HDAC9: variants seen among roughly 807,000 people sequenced by gnomAD.
HDAC9 encodes MEF-2 interacting transcription repressor (MITR) protein.
A neutral mutation model predicts 139.4 loss-of-function variants in HDAC9; 41 were observed. The observed-to-expected ratio is 0.29, with a 90% CI of 0.23 to 0.38. The LOEUF is 0.38. Among genes scored for constraint, HDAC9 ranks in the 10% least tolerant of loss-of-function variants. HDAC9 has a pLI of 1.00. For missense variants in HDAC9, 1,147 were observed against 1,297.0 expected (o/e 0.88, Z 1.78); for synonymous variants, 517 against 476.2 (o/e 1.09, Z -1.12).
At chr7:18,190,662 T>A (rs1295370113) in intron 2 of HDAC9, among the ~76,000 whole-genome samples, 1 of 152,230 alleles carries the variant, frequency 6.6e-6, no homozygotes, top group Non-Finnish European at 1.5e-5. Context: ...ACGCTATCAT[T>A]GAAATAGCTA....
chr7:18,250,526 T>A (rs1438105692), intron 2 of HDAC9, among the ~76,000 whole-genome samples: 1 of 152,216 alleles, frequency 6.6e-6, no homozygotes, highest in Non-Finnish European at 1.5e-5. Flanking sequence ...TGGTAGTCTA[T>A]CACCAACATG....
chr7:18,701,152 T>TA (rs5882668), intron 12 of HDAC9, among the ~76,000 whole-genome samples: 101 of 146,046 alleles, frequency 6.9e-4, no homozygotes, highest in Admixed American at 1.1e-3. Flanking sequence ...AACTTGTTCA[T>TA]AAAAAAAAAA....
intron 16 of HDAC9, among the ~76,000 whole-genome samples, chr7:18,792,372 G>A (rs1474556732): frequency 6.6e-6 from 1 of 150,854 alleles, no homozygotes; most frequent in Non-Finnish European, 1.5e-5. Context: ...ATTTCCTGGT[G>A]CTTCAAATAA....
chr7:18,848,533 G>A lies in HDAC9; in HGVS notation c.2684+12536G>A, dbSNP rs146533799. 3.9e-5 allele frequency among the ~76,000 whole-genome samples: 6 copies of A among 151,902 alleles called. No homozygotes were observed. The East Asian group carries it at 9.8e-4, about 25-fold the overall frequency. On this transcript the variant is annotated intron_variant, in intron 21 of 25. Transcript: ENST00000686413. Reference sequence around the variant, plus strand: ...AGGCAAGGCTATGGGTGCACGCAGCGAGATAGGGCTGGTTGTAATCCGGTG... The same window carrying A: ...AGGCAAGGCTATGGGTGCACGCAGCAAGATAGGGCTGGTTGTAATCCGGTG...
At chr7:18,145,052 A>T (rs1786202188) in intron 1 of HDAC9, among the ~76,000 whole-genome samples, 1 of 152,194 alleles carries the variant, frequency 6.6e-6, no homozygotes, top group Non-Finnish European at 1.5e-5. Context: ...TGTTTCCACA[A>T]TTTATGGACA....
intron 2 of HDAC9, among the ~76,000 whole-genome samples, chr7:18,164,179 G>A (rs771564450): frequency 7.9e-5 from 12 of 152,140 alleles, no homozygotes; most frequent in Non-Finnish European, 7.3e-5. Flanking sequence ...CTGAAGTTGA[G>A]GAAAGTGATA....
intron 2 of HDAC9, among the ~76,000 whole-genome samples, chr7:18,219,912 A>T (rs1308750100): frequency 2.0e-5 from 3 of 152,316 alleles, no homozygotes; most frequent in Admixed American, 2.0e-4. Context: ...CTTATTTTAT[A>T]GTCAACTCTG....
Position 18,793,351 on chromosome 7 carries a change from A to G in HDAC9, c.2221A>G (p.Ser741Gly). The change falls in exon 17 of 26, where the codon AGT becomes GGT. Residue 741 changes from serine to glycine, a missense_variant. Physicochemically the swap from Ser to Gly is moderately conservative, Grantham distance 56. Transcript: ENST00000686413. ...SLPCGGLGVD[S>G]DTIWNELHSS... ...CTGCTGACTGTTTGCTCAGGTGGAC[A>G]GTGACACCATTTGGAATGAGCTACA... 1.3e-6 allele frequency: 2 copies of G among 1,571,544 alleles called. No homozygotes were observed. Among genetic ancestry groups the G allele is most frequent in the South Asian group, 1.2e-5 (1 of 85,178 alleles).
intron 17 of HDAC9, among the ~76,000 whole-genome samples, chr7:18,826,143 C>G (rs1585109243): frequency 6.6e-6 from 1 of 152,100 alleles, no homozygotes; most frequent in African/African-American, 2.4e-5. Flanking sequence ...CATTAGGACT[C>G]AGAGTCAGGC....
At chr7:18,588,234 G>A (rs1829992128) in intron 3 of HDAC9, among the ~76,000 whole-genome samples, 1 of 151,764 alleles carries the variant, frequency 6.6e-6, no homozygotes, top group Non-Finnish European at 1.5e-5. Flanking sequence ...ATTACTTTTT[G>A]GTGTAAAATC....
At chr7:18,135,859 A>G (rs1173642878) in intron 1 of HDAC9, among the ~76,000 whole-genome samples, 1 of 141,188 alleles carries the variant, frequency 7.1e-6, no homozygotes, top group Non-Finnish European at 1.5e-5. Flanking sequence ...CCAGTTCTAG[A>G]TCCCTGAGGA....
chr7:18,484,616 C>T (rs923654716), intron 1 of HDAC9, among the ~76,000 whole-genome samples: 4 of 152,092 alleles, frequency 2.6e-5, no homozygotes, highest in African/African-American at 9.7e-5. Flanking sequence ...CCCTTAGAAC[C>T]ATTTAGCTCC....
chr7:18,110,257 A>G (rs895953125), intron 1 of HDAC9, among the ~76,000 whole-genome samples: 5 of 152,224 alleles, frequency 3.3e-5, no homozygotes, highest in East Asian at 3.8e-4. Context: ...GATATAGTCT[A>G]TTTTGGGCAG....
intron 17 of HDAC9, among the ~76,000 whole-genome samples, chr7:18,822,262 C>T (rs1795033111): frequency 6.6e-6 from 1 of 152,192 alleles, no homozygotes; most frequent in Admixed American, 6.5e-5. Context: ...CCAGGAGCCC[C>T]CAGCCCCCAG....
intron 22 of HDAC9, among the ~76,000 whole-genome samples, chr7:18,904,817 C>T (rs1471452894): frequency 6.6e-6 from 1 of 151,870 alleles, no homozygotes; most frequent in Non-Finnish European, 1.5e-5. Flanking sequence ...CCTCGTGATC[C>T]GCCCGCCTCG....
intron 2 of HDAC9, among the ~76,000 whole-genome samples, chr7:18,182,699 T>C (rs1240970534): frequency 6.6e-6 from 1 of 152,196 alleles, no homozygotes; most frequent in Non-Finnish European, 1.5e-5. Flanking sequence ...TCTATCAAGG[T>C]CTTACAGTAA....
intron 25 of HDAC9, among the ~76,000 whole-genome samples, chr7:18,993,525 G>T (rs1259397914): frequency 6.6e-6 from 1 of 152,186 alleles, no homozygotes; most frequent in African/African-American, 2.4e-5. Context: ...ATTGAGGCTA[G>T]ACATGGTGGC....
At chr7:18,490,782 T>C (rs1223177664), upstream of HDAC9, among the ~76,000 whole-genome samples, 1 of 152,018 alleles carries the variant, frequency 6.6e-6, no homozygotes, top group African/African-American at 2.4e-5. Flanking sequence ...ATAGTTTTAT[T>C]GCTTTAACAA....
At chr7:18,591,314 A>G (rs946439778) in intron 4 of HDAC9, among the ~76,000 whole-genome samples, 2 of 152,206 alleles carry the variant, frequency 1.3e-5, no homozygotes, top group African/African-American at 2.4e-5. Context: ...TTTATAAAGC[A>G]TTACTGTACT....
Sources: gnomAD v4.1 joint callset for allele counts (sites outside exome capture counted in the v4.1 genomes callset) on GRCh38, gnomAD v4.1.1 for gene constraint, MANE v1.5 for transcripts, NCBI Gene and HGNC (gene_info 2026-07-23, HGNC 2026-07-21) for gene names.